Variants in SOX5 observed in about 807,000 individuals in gnomAD.
SOX5 encodes the protein SRY-box transcription factor 5.
A neutral mutation model predicts 92.0 loss-of-function variants in SOX5; 9 were observed. That is an observed-to-expected ratio of 0.10 (90% CI 0.06 to 0.17). SOX5 has a LOEUF of 0.17. SOX5 is among the 10% of genes least tolerant of loss of function. SOX5 has a pLI of 1.00. For synonymous variants in SOX5, 344 were observed against 336.3 expected, an observed-to-expected ratio of 1.02 and a Z score of -0.25; for missense variants, 642 against 944.5, an observed-to-expected ratio of 0.68 and a Z score of 4.20.
chr12:24,097,744 A>G (rs990301789), intron 4 of SOX5, among the ~76,000 whole-genome samples: 1 of 152,106 alleles, frequency 6.6e-6, no homozygotes, highest in African/African-American at 2.4e-5. Context: ...ATATATCACT[A>G]CTGATCGCAC....
intron 3 of SOX5, among the ~76,000 whole-genome samples, chr12:24,253,028 G>A (rs1940449967): frequency 6.6e-6 from 1 of 152,026 alleles, no homozygotes; most frequent in Admixed American, 6.6e-5. Context: ...AGTTTTTTAA[G>A]CACAATAGCA....
intron 3 of SOX5, among the ~76,000 whole-genome samples, chr12:23,759,010 A>AACACACACACACACACACAC (rs761303900): frequency 1.8e-5 from 2 of 108,362 alleles, no homozygotes; most frequent in Non-Finnish European, 1.9e-5. Flanking sequence ...GGCAACACAA[A>AACACACACACACACACACAC]ACACACACAC....
chr12:23,810,192 T>C (rs1284959776), intron 3 of SOX5, among the ~76,000 whole-genome samples: 3 of 152,192 alleles, frequency 2.0e-5, no homozygotes, highest in Admixed American at 6.5e-5. Flanking sequence ...AGTTGACTTA[T>C]TGTTCATTGA....
intron 1 of SOX5, among the ~76,000 whole-genome samples, chr12:24,445,152 C>A (rs1329542534): frequency 6.6e-6 from 1 of 152,066 alleles, no homozygotes; most frequent in Non-Finnish European, 1.5e-5. Flanking sequence ...AACAATAAGT[C>A]ATTTCAAGTT....
At chr12:24,001,747 A>T (rs553909590) in intron 4 of SOX5, among the ~76,000 whole-genome samples, 15 of 152,330 alleles carry the variant, frequency 9.8e-5, no homozygotes, top group Middle Eastern at 3.4e-3. Flanking sequence ...AAATAAAGGA[A>T]TTAAAATAAG....
chr12:23,919,900 C>T (rs1314330944), intron 1 of SOX5: 8 of 152,172 alleles, frequency 5.3e-5, no homozygotes, highest in Admixed American at 1.3e-4. Flanking sequence ...ATGAGTGAGA[C>T]AGTTTGAAAA....
At chr12:23,773,068 T>C (rs1367947969) in intron 3 of SOX5, among the ~76,000 whole-genome samples, 1 of 152,186 alleles carries the variant, frequency 6.6e-6, no homozygotes, top group East Asian at 1.9e-4. Flanking sequence ...AGGAGTCAAA[T>C]CTTATTTCTG....
intron 2 of SOX5, among the ~76,000 whole-genome samples, chr12:23,856,111 C>T (rs1197527951): frequency 6.6e-6 from 1 of 152,064 alleles, no homozygotes; most frequent in Non-Finnish European, 1.5e-5. Context: ...CCCAACTAGC[C>T]AAATTACTTA....
chr12:23,879,203 T>C (rs2096960549), intron 2 of SOX5, among the ~76,000 whole-genome samples: 1 of 152,166 alleles, frequency 6.6e-6, no homozygotes, highest in African/African-American at 2.4e-5. Context: ...CATATCAACT[T>C]ACCTCTAAGT....
At chr12:24,271,976 CACACAA>C (rs1943807149) in intron 3 of SOX5, among the ~76,000 whole-genome samples, 2 of 71,514 alleles carry the variant, frequency 2.8e-5, no homozygotes, top group Admixed American at 3.4e-4. Flanking sequence ...TTCACACACA[CACACAA>C]ACACACACAC....
intron 4 of SOX5, among the ~76,000 whole-genome samples, chr12:24,053,638 A>G (rs1239987619): frequency 6.6e-6 from 1 of 152,234 alleles, no homozygotes; most frequent in Non-Finnish European, 1.5e-5. Context: ...ACATACATTT[A>G]TACTCAATTT....
At chr12:24,349,824 G>C (rs1953843793) in intron 2 of SOX5, among the ~76,000 whole-genome samples, 2 of 152,064 alleles carry the variant, frequency 1.3e-5, no homozygotes, top group Non-Finnish European at 2.9e-5. Flanking sequence ...GGATTGTATG[G>C]TAAATAATAT....
At chr12:24,029,949 A>C (rs1955298133) in intron 4 of SOX5, among the ~76,000 whole-genome samples, 1 of 152,026 alleles carries the variant, frequency 6.6e-6, no homozygotes, top group Admixed American at 6.6e-5. Flanking sequence ...TGCCAGGCTC[A>C]GTTCTCACTG....
intron 4 of SOX5, among the ~76,000 whole-genome samples, chr12:24,176,977 G>GTT (rs11295163): frequency 8.5e-4 from 115 of 135,130 alleles, no homozygotes; most frequent in Non-Finnish European, 1.2e-3. Flanking sequence ...TTTGTTTTTT[G>GTT]TTTTTTTTTT....
chr12:24,245,640 A>G (rs913033144), intron 3 of SOX5, among the ~76,000 whole-genome samples: 2 of 152,118 alleles, frequency 1.3e-5, no homozygotes, highest in Non-Finnish European at 2.9e-5. Context: ...GAATATGTAC[A>G]CGCACATATG....
At chr12:24,013,434 ATTTG>A (rs764920525) in intron 4 of SOX5, among the ~76,000 whole-genome samples, 3 of 152,178 alleles carry the variant, frequency 2.0e-5, no homozygotes, top group East Asian at 1.9e-4. Context: ...AGACCATTTC[ATTTG>A]TTTATTTAAA....
intron 3 of SOX5, among the ~76,000 whole-genome samples, chr12:23,822,260 A>G (rs1196342263): frequency 1.3e-5 from 2 of 152,194 alleles, no homozygotes; most frequent in Non-Finnish European, 2.9e-5. Flanking sequence ...GTGGGCATTT[A>G]GTGCTATAAA....
chr12:24,175,300 G>T (rs897222342), intron 4 of SOX5, among the ~76,000 whole-genome samples: 1 of 152,108 alleles, frequency 6.6e-6, no homozygotes, highest in African/African-American at 2.4e-5. Flanking sequence ...ATCTAAGTGG[G>T]GAACCCCATA....
intron 4 of SOX5, among the ~76,000 whole-genome samples, chr12:23,972,959 T>C (rs550774644): frequency 1.3e-5 from 2 of 152,224 alleles, no homozygotes; most frequent in African/African-American, 4.8e-5. Context: ...ATCTCCCCTT[T>C]TCCCATCCCT....
Sources: allele counts gnomAD v4.1 joint callset (sites outside exome capture counted in the v4.1 genomes callset), GRCh38; gene constraint gnomAD v4.1.1; transcripts MANE v1.5; gene names NCBI Gene and HGNC (gene_info 2026-07-23, HGNC 2026-07-21).